Variants in ERC1 observed in about 807,000 individuals in gnomAD.
ERC1 encodes the protein RAB6 interacting protein 2.
ERC1 carries 56 observed loss-of-function variants against 132.0 expected under a neutral mutation model. That is an observed-to-expected ratio of 0.42 (90% CI 0.34 to 0.53). The LOEUF (loss-of-function observed/expected upper bound fraction) is 0.53, where lower values mean the gene tolerates loss of function less well. Ranked by LOEUF, ERC1 falls within the 20% of genes least tolerant of loss-of-function variation. The probability of loss-of-function intolerance (pLI) is 0.03; values close to 1 mark genes in which losing one functional copy is unlikely to be tolerated. For synonymous variants in ERC1, 478 were observed against 476.1 expected (o/e 1.00, Z -0.05); for missense variants, 1,202 against 1,349.9 (o/e 0.89, Z 1.72).
At chr12:1,387,625 G>T (rs2089515961) in intron 16 of ERC1, among the ~76,000 whole-genome samples, 1 of 152,182 alleles carries the variant, frequency 6.6e-6, no homozygotes, top group Non-Finnish European at 1.5e-5. Flanking sequence ...AAAGGCAGAG[G>T]CAGAGATTAG....
At chr12:1,316,265 T>C (rs1052614238) in intron 15 of ERC1, among the ~76,000 whole-genome samples, 1 of 152,176 alleles carries the variant, frequency 6.6e-6, no homozygotes, top group African/African-American at 2.4e-5. Flanking sequence ...GAGAAGCTTT[T>C]TAAACCACCT....
At chr12:1,211,882 A>G (rs1346123503) in intron 12 of ERC1, among the ~76,000 whole-genome samples, 1 of 152,122 alleles carries the variant, frequency 6.6e-6, no homozygotes, top group East Asian at 1.9e-4. Context: ...AATCAGTTCT[A>G]TACAATGTGT....
intron 1 of ERC1, among the ~76,000 whole-genome samples, chr12:1,009,636 A>G (rs1430315871): frequency 1.3e-5 from 2 of 152,142 alleles, no homozygotes; most frequent in African/African-American, 2.4e-5. Context: ...TTAAGTTGCC[A>G]TTTCTTTTTG....
chr12:1,254,735 A>G (rs2076682185), intron 13 of ERC1, among the ~76,000 whole-genome samples: 1 of 151,356 alleles, frequency 6.6e-6, no homozygotes, highest in Non-Finnish European at 1.5e-5. Context: ...CTGGTCTTGA[A>G]CTCCTGACCT....
intron 15 of ERC1, among the ~76,000 whole-genome samples, chr12:1,361,485 C>T (rs1329073901): frequency 1.3e-5 from 2 of 152,050 alleles, no homozygotes; most frequent in East Asian, 1.9e-4. Flanking sequence ...TGTAGAAATG[C>T]ATGATTTGAT....
At chr12:1,045,441 A>G (rs149678197) in intron 2 of ERC1, among the ~76,000 whole-genome samples, 4 of 152,252 alleles carry the variant, frequency 2.6e-5, no homozygotes, top group East Asian at 1.9e-4. Context: ...GTTAATATCT[A>G]TTGTAGATAT....
At chr12:1,137,365 G>A (rs930739506) in intron 7 of ERC1, among the ~76,000 whole-genome samples, 2 of 150,964 alleles carry the variant, frequency 1.3e-5, no homozygotes, top group African/African-American at 2.4e-5. Context: ...CCAAAGTGCT[G>A]GGATTACAGG....
At chr12:1,293,444 C>T (rs2079632366) in intron 15 of ERC1, among the ~76,000 whole-genome samples, 1 of 91,856 alleles carries the variant, frequency 1.1e-5, no homozygotes, top group African/African-American at 4.1e-5. Context: ...CAGAGCAAAA[C>T]TCCATCTCAA....
At chr12:1,027,622 A>G (rs1217815946) in intron 1 of ERC1, 126 bp from the exon 2 acceptor site, 1 of 399,008 alleles carries the variant, frequency 2.5e-6, no homozygotes, top group Admixed American at 4.0e-5. Context: ...CTGTAATCAC[A>G]TTCTGAATGC....
intron 14 of ERC1, among the ~76,000 whole-genome samples, chr12:1,289,532 T>A (rs1387917475): frequency 6.6e-6 from 1 of 152,174 alleles, no homozygotes; most frequent in Non-Finnish European, 1.5e-5. Context: ...TGGAAATTTC[T>A]GGGTCATTTC....
chr12:1,195,882 C>A (rs1370036726), intron 12 of ERC1, among the ~76,000 whole-genome samples: 4 of 144,222 alleles, frequency 2.8e-5, no homozygotes, highest in Admixed American at 7.0e-5. Context: ...TCCGCCCCCC[C>A]CCCCCTTTTT....
intron 15 of ERC1, among the ~76,000 whole-genome samples, chr12:1,340,126 C>T (rs944237958): frequency 6.6e-6 from 1 of 152,090 alleles, no homozygotes; most frequent in Admixed American, 6.5e-5. Context: ...AGGCATAGTT[C>T]CCCAGCACAG....
At chr12:1,381,417 C>T (rs1291614742) in intron 16 of ERC1, among the ~76,000 whole-genome samples, 2 of 152,076 alleles carry the variant, frequency 1.3e-5, no homozygotes, top group African/African-American at 4.8e-5. Flanking sequence ...GGTGTGCAGT[C>T]ATAGCTCCTG....
chr12:1,484,241 C>T (rs563674883), intron 18 of ERC1, among the ~76,000 whole-genome samples: 31 of 151,532 alleles, frequency 2.0e-4, no homozygotes, highest in Non-Finnish European at 3.8e-4. Context: ...GGATGTGGAG[C>T]TTGCAGTGAG....
chr12:1,376,828 C>T (rs77302813), intron 16 of ERC1, among the ~76,000 whole-genome samples: 2,735 of 152,304 alleles, frequency 0.018, 65 homozygotes, highest in African/African-American at 0.061. Context: ...AGCCCTTCCC[C>T]TCTCCATCCG....
At chr12:1,381,490 C>T (rs2154378535) in intron 16 of ERC1, among the ~76,000 whole-genome samples, 1 of 152,310 alleles carries the variant, frequency 6.6e-6, no homozygotes, top group South Asian at 2.1e-4. Flanking sequence ...TGAGCCACCA[C>T]AGCCGTCCTC....
intron 12 of ERC1, among the ~76,000 whole-genome samples, chr12:1,230,492 C>G (rs1431999536): frequency 6.6e-6 from 1 of 152,100 alleles, no homozygotes; most frequent in East Asian, 1.9e-4. Context: ...ATTTTGTGGC[C>G]TAACATATGT....
intron 8 of ERC1, among the ~76,000 whole-genome samples, chr12:1,171,738 G>T (rs111297434): frequency 7.9e-5 from 12 of 152,292 alleles, no homozygotes; most frequent in African/African-American, 2.9e-4. Context: ...AGTGTTTTGA[G>T]CTGTCTTGTC....
In ERC1 at chr12:1,341,092, T is replaced by C. The variant is rs1373280194; in HGVS notation, c.2781-30741T>C. Among the ~76,000 whole-genome samples, 36 of 87,022 alleles carry C rather than the reference T, an allele frequency of 4.1e-4. 1 individual carries two copies. Among genetic ancestry groups the C allele is most frequent in the African/African-American group, 1.6e-3 (35 of 22,452 alleles). 57.1% of individuals were successfully genotyped at this position (87,022 alleles called of 152,430 possible). ...TTCTTTTTTTTTTTTTTTTTTTTTT[T>C]TTTTTTTTTTTTTTTTTTTGAGGCA... On this transcript the variant is annotated intron_variant, in intron 15 of 18. Transcript: ENST00000360905.
Sources: gnomAD v4.1 joint callset for allele counts (sites outside exome capture counted in the v4.1 genomes callset) on GRCh38, gnomAD v4.1.1 for gene constraint, MANE v1.5 for transcripts, NCBI Gene and HGNC (gene_info 2026-07-23, HGNC 2026-07-21) for gene names.